The following RECQL4 variants were observed in gnomAD, a reference collection of about 807,000 sequenced individuals.
RECQL4 encodes ATP-dependent DNA helicase Q4.
Under a neutral mutation model 128.6 loss-of-function variants are expected in RECQL4, and 158 were observed. The ratio of observed to expected loss-of-function variants is 1.23; its 90% CI spans 1.08 to 1.40. The LOEUF (loss-of-function observed/expected upper bound fraction) is 1.40, where lower values mean the gene tolerates loss of function less well. RECQL4 is among the 40% of genes most tolerant of loss of function. RECQL4 has a pLI of 0.00. For synonymous variants in RECQL4, 996 were observed against 678.9 expected (o/e 1.47, Z -7.26); for missense variants, 2,293 against 1,649.8 (o/e 1.39, Z -6.75).
At position 144,515,440 on chromosome 8, in the gene RECQL4, C is replaced by T. The variant is rs1048010208; in HGVS notation, c.1276G>A (p.Asp426Asn). 3.7e-6 allele frequency: 6 copies of T among 1,612,672 alleles called. No individual in the cohort carries two copies. In the South Asian group the frequency reaches 6.6e-5, roughly 18 times the overall value. The change falls in exon 7 of 21, where the codon GAT becomes AAT. Residue 426 changes from aspartate to asparagine, a missense_variant. Transcript: ENST00000617875. Reference sequence around the variant, plus strand: ...ACCAGTGGCTCAGGCCCAACAGCATCTGTGTCTTCCTCACTTGCTGGGGCA... The same window carrying T: ...ACCAGTGGCTCAGGCCCAACAGCATTTGTGTCTTCCTCACTTGCTGGGGCA... ...CPRPASEEDT[D>N]AVGPEPLVPS...
chr8:144,512,277 A>G lies in RECQL4; in HGVS notation c.3103T>C (p.Phe1035Leu), dbSNP rs768740437. ...AAGTCCCCCGGGCTGCGAAGGTGGA[A>G]GGCCAGCTCACTGAACTCCACAAGC... ...GVLVEFSELA[F>L]HLRSPGDLTA... The change falls in exon 18 of 21, where the codon TTC becomes CTC. Residue 1035 changes from phenylalanine to leucine, a missense_variant. Physicochemically the swap from Phe to Leu is conservative, Grantham distance 22. Coordinates refer to ENST00000617875, the MANE Select transcript of RECQL4 (RefSeq NM_004260.4). The G allele has an allele frequency of 6.2e-7, 1 of 1,612,480 alleles. No homozygotes were observed. Among genetic ancestry groups the G allele is most frequent in the Non-Finnish European group, 8.5e-7 (1 of 1,179,776 alleles).
intron 4 of RECQL4, 137 bp downstream of exon 4, chr8:144,516,913 G>A (rs1443374926): frequency 3.5e-6 from 5 of 1,412,164 alleles, no homozygotes; most frequent in African/African-American, 1.4e-5. Flanking sequence ...CGAAGGCCCC[G>A]AGAAGCTCCC....
At position 144,514,962 on chromosome 8, in the gene RECQL4, G is replaced by A. The variant is rs763278718; in HGVS notation, c.1594C>T (p.Pro532Ser). 2 of 1,611,848 alleles carry A rather than the reference G, an allele frequency of 1.2e-6. No individual in the cohort carries two copies. Among genetic ancestry groups the A allele is most frequent in the African/African-American group, 1.3e-5 (1 of 75,036 alleles). The part of the protein sequence containing the change: ...RSPCLTLVVS[P>S]LLSLMDDQVS... Reference sequence around the variant, plus strand: ...TGGTCATCCATGAGTGACAGCAGGGGAGAGACGACCAACGTGAGGCAGGGG... The same window carrying A: ...TGGTCATCCATGAGTGACAGCAGGGAAGAGACGACCAACGTGAGGCAGGGG... Residue 532 changes from proline to serine, a missense_variant, in exon 9 of 21, where the codon CCC becomes TCC. Pro to Ser is a moderately conservative substitution (Grantham distance 74). Coordinates refer to ENST00000617875, the MANE Select transcript of RECQL4 (RefSeq NM_004260.4).
At position 144,514,165 on chromosome 8, in the gene RECQL4, C is replaced by T. The variant is rs372413893; in HGVS notation, c.1878+24G>A. The stretch of plus-strand genomic sequence containing the variant: ...CCAGCCCATCCCGGCCCTGGCCGCC[C>T]ACCCCAGTTCACATATGGCTCACCT... On this transcript the variant is annotated intron_variant, in intron 11 of 20. Transcript: ENST00000617875. The T allele has an allele frequency of 3.7e-6, 6 of 1,612,102 alleles. No homozygotes were observed. In the Middle Eastern group the frequency reaches 5.0e-4, roughly 133 times the overall value.
intron 6 of RECQL4, 109 bp from the exon 7 acceptor site, chr8:144,515,566 C>G: frequency 6.5e-7 from 1 of 1,537,074 alleles, no homozygotes; most frequent in Non-Finnish European, 8.9e-7. Context: ...AGTGCCCTTC[C>G]TCTGGGCTAC....
Sources: allele counts gnomAD v4.1 joint callset, GRCh38; gene constraint gnomAD v4.1.1; transcripts MANE v1.5; gene names NCBI Gene and HGNC (gene_info 2026-07-23, HGNC 2026-07-21).